The following LGMN variants were observed in gnomAD, a reference collection of about 807,000 sequenced individuals.
The protein encoded by LGMN is legumain, also known as asparaginyl endopeptidase.
In LGMN, 36 loss-of-function variants were observed where a neutral mutation model predicts 56.8. The observed-to-expected ratio is 0.63, with a 90% CI of 0.49 to 0.84. The LOEUF is 0.84. LGMN is among the 40% of genes least tolerant of loss of function. The pLI is 0.00. For synonymous variants in LGMN, 199 were observed against 210.1 expected (o/e 0.95, Z 0.46); for missense variants, 446 against 556.1 (o/e 0.80, Z 1.99).
At chr14:92,710,838 C>T (rs1033274814) in intron 10 of LGMN, among the ~76,000 whole-genome samples, 3 of 152,206 alleles carry the variant, frequency 2.0e-5, no homozygotes, top group Admixed American at 6.5e-5. Context: ...TACACCTGCT[C>T]AAAAGCCTGA....
chr14:92,747,564 A>G (rs1332413134), intron 1 of LGMN, among the ~76,000 whole-genome samples: 1 of 152,022 alleles, frequency 6.6e-6, no homozygotes, highest in Non-Finnish European at 1.5e-5. Context: ...CGAAGTCTCA[A>G]CCTCTCCCAC....
chr14:92,721,385 G>A (rs1890473397), intron 2 of LGMN, among the ~76,000 whole-genome samples: 2 of 152,174 alleles, frequency 1.3e-5, no homozygotes, highest in Admixed American at 1.3e-4. Context: ...CTCCACTACA[G>A]CCACCAAGGA....
Position 92,714,599 on chromosome 14 carries a change from C to T in LGMN, c.405-148G>A, listed in dbSNP as rs1055576148. On this transcript the variant is annotated intron_variant, in intron 5 of 13. Coordinates refer to ENST00000334869, the MANE Select transcript of LGMN (RefSeq NM_005606.7). The surrounding 1 kb of genome is among the most constrained non-coding windows in gnomAD (Gnocchi z 5.1). Reference sequence around the variant, plus strand: ...AAGATGAACACAAGGGCCCGGTGCCCGGTGTCTGGCCTGTCCCCTCCACTC... The same window carrying T: ...AAGATGAACACAAGGGCCCGGTGCCTGGTGTCTGGCCTGTCCCCTCCACTC... The T allele has an allele frequency of 3.5e-5, 22 of 623,868 alleles. No homozygotes were observed. In the East Asian group the frequency reaches 5.5e-4, roughly 15 times the overall value. The allele number at this position is 623,868 out of a possible 1,614,324, so 38.6% of individuals were successfully genotyped here.
At chr14:92,725,634 G>C (rs1437453998) in intron 2 of LGMN, among the ~76,000 whole-genome samples, 4 of 151,654 alleles carry the variant, frequency 2.6e-5, no homozygotes, top group Non-Finnish European at 5.9e-5. Context: ...GGAGTGCAGT[G>C]GCACGAACTT....
In LGMN at chr14:92,704,211, C is replaced by G. The variant is rs1201354138; in HGVS notation, c.*108G>C. On this transcript the variant is annotated 3_prime_UTR_variant, in exon 14 of 14. Coordinates refer to ENST00000334869, the MANE Select transcript of LGMN (RefSeq NM_005606.7). ...GAGCGAGCCCTGGAGCGGGGGCTCC[C>G]CAGGAGGGCCCGAGCAGCGGAGACT... 8 of 1,467,488 alleles carry G rather than the reference C, an allele frequency of 5.5e-6. No homozygotes were observed. The highest frequency in any genetic ancestry group is 1.9e-6 in the Non-Finnish European group (2 of 1,047,434). The allele number at this position is 1,467,488 out of a possible 1,614,324, so 90.9% of individuals were successfully genotyped here.
chr14:92,723,436 C>T (rs1890583006), intron 2 of LGMN, among the ~76,000 whole-genome samples: 1 of 152,144 alleles, frequency 6.6e-6, no homozygotes, highest in African/African-American at 2.4e-5. Flanking sequence ...CAGCATTGTT[C>T]ATAATAACTA....
chr14:92,744,339 T>G (rs1891719798), intron 1 of LGMN, among the ~76,000 whole-genome samples: 1 of 152,178 alleles, frequency 6.6e-6, no homozygotes, highest in South Asian at 2.1e-4. Context: ...GTAACAGCAA[T>G]GCAAATAATT....
rs1425730515 is a variant in LGMN, at chr14:92,732,805, A to G, written c.-19T>C. The G allele has an allele frequency of 1.9e-6, 3 of 1,610,984 alleles. No individual in the cohort carries two copies. The highest frequency in any genetic ancestry group is 2.5e-6 in the Non-Finnish European group (3 of 1,178,868). ...AAACCATTCTGCACCTTGGAGTTCA[A>G]TTGCAGACACCTGAGAAGGGAAACA... On this transcript the variant is annotated 5_prime_UTR_variant, in exon 2 of 14. Coordinates refer to ENST00000334869, the MANE Select transcript of LGMN (RefSeq NM_005606.7).
intron 1 of LGMN, among the ~76,000 whole-genome samples, chr14:92,746,073 G>A (rs909621787): frequency 6.6e-6 from 1 of 151,806 alleles, no homozygotes; most frequent in African/African-American, 2.4e-5. Context: ...CGCCCGCCTC[G>A]GCCTCCCAAA....
At chr14:92,724,623 G>A (rs1437430972) in intron 2 of LGMN, among the ~76,000 whole-genome samples, 1 of 152,234 alleles carries the variant, frequency 6.6e-6, no homozygotes, top group Non-Finnish European at 1.5e-5. Flanking sequence ...CGAGAGGAGG[G>A]TATTGAGCAA....
At chr14:92,735,946 G>C (rs891191013) in intron 1 of LGMN, among the ~76,000 whole-genome samples, 11 of 152,248 alleles carry the variant, frequency 7.2e-5, no homozygotes, top group Admixed American at 2.0e-4. Context: ...CCTGACAAGG[G>C]CTCGCTGTGG....
chr14:92,709,828 G>A lies in LGMN; in HGVS notation c.864C>T (p.Arg288=). ...MKVMQFQGMK[R]KASSPVPLPP... ...GTAGGGGGACGGGAGAACTGGCTTT[G>A]CGTTTCATACCCTGAAACTGCATCA... The change falls in exon 11 of 14, where the codon CGC becomes CGT. Residue 288 remains arginine, a synonymous_variant. Coordinates refer to ENST00000334869, the MANE Select transcript of LGMN (RefSeq NM_005606.7). 6.2e-7 allele frequency: 1 copy of A among 1,613,466 alleles called. No homozygotes were observed. Among genetic ancestry groups the A allele is most frequent in the Non-Finnish European group, 8.5e-7 (1 of 1,179,604 alleles).
At chr14:92,710,935 C>T (rs1889732896) in intron 10 of LGMN, among the ~76,000 whole-genome samples, 1 of 152,256 alleles carries the variant, frequency 6.6e-6, no homozygotes. Context: ...TTACTGACTC[C>T]AGTTTCTTCT....
intron 11 of LGMN, among the ~76,000 whole-genome samples, chr14:92,709,158 T>A (rs1889603286): frequency 6.6e-6 from 1 of 152,056 alleles, no homozygotes; most frequent in Admixed American, 6.5e-5. Flanking sequence ...ACAGCAGAAA[T>A]TTTTGTGGAT....
At chr14:92,721,294 G>A (rs1340017748) in intron 2 of LGMN, among the ~76,000 whole-genome samples, 1 of 152,154 alleles carries the variant, frequency 6.6e-6, no homozygotes, top group East Asian at 1.9e-4. Context: ...GACCCTTGTT[G>A]GCATTGAGGA....
Position 92,703,867 on chromosome 14 carries a change from C to G in LGMN, c.*452G>C. On this transcript the variant is annotated 3_prime_UTR_variant, in exon 14 of 14. Transcript: ENST00000334869. ...ACTTGAACACCTGCAGAATTAAATACAAAAGCAATCAAAAATCATCATATT... is the reference window on the plus strand; with the variant it reads ...ACTTGAACACCTGCAGAATTAAATAGAAAAGCAATCAAAAATCATCATATT... 2.5e-6 allele frequency: 1 copy of G among 393,634 alleles called. No individual in the cohort carries two copies. Among genetic ancestry groups the G allele is most frequent in the Non-Finnish European group, 4.7e-6 (1 of 214,346 alleles). The allele number at this position is 393,634 out of a possible 1,614,324, so 24.4% of individuals were successfully genotyped here. A position where few individuals can be genotyped will look rare whatever the true frequency, so the allele number is the denominator to read the frequency against.
chr14:92,708,896 C>G (rs972090891), intron 11 of LGMN, among the ~76,000 whole-genome samples: 3 of 131,926 alleles, frequency 2.3e-5, no homozygotes, highest in African/African-American at 8.2e-5. Context: ...GCCTAGAAAA[C>G]TCAGGCCATA....
intron 4 of LGMN, 150 bp from the exon 5 acceptor site, chr14:92,716,371 G>A (rs1301379229): frequency 7.6e-6 from 5 of 657,170 alleles, no homozygotes; most frequent in South Asian, 1.6e-5. Flanking sequence ...CGTGGCTCAC[G>A]CCTGTAATCC....
chr14:92,731,715 G>A (rs1434097645), intron 2 of LGMN, among the ~76,000 whole-genome samples: 1 of 152,170 alleles, frequency 6.6e-6, no homozygotes, highest in East Asian at 1.9e-4. Context: ...CATCTGGCTT[G>A]TTTCCACCTT....
Sources: gnomAD v4.1 joint callset for allele counts (sites outside exome capture counted in the v4.1 genomes callset) on GRCh38, gnomAD v4.1.1 for gene constraint, Gnocchi (gnomAD v3.1) non-coding constraint, MANE v1.5 for transcripts, NCBI Gene and HGNC (gene_info 2026-07-23, HGNC 2026-07-21) for gene names.